The following SHANK2 variants were observed in gnomAD, a reference collection of about 807,000 sequenced individuals.
The protein encoded by SHANK2 is SH3 and multiple ankyrin repeat domains protein 2.
In SHANK2, 43 loss-of-function variants were observed where a neutral mutation model predicts 133.7. The observed-to-expected ratio is 0.32, with a 90% CI of 0.25 to 0.41. The LOEUF (loss-of-function observed/expected upper bound fraction) is 0.41, where lower values mean the gene tolerates loss of function less well. Among genes scored for constraint, SHANK2 ranks in the 10% least tolerant of loss-of-function variants. SHANK2 has a pLI of 1.00. For missense variants in SHANK2, 1,994 were observed against 2,235.8 expected (o/e 0.89, Z 2.18); for synonymous variants, 1,017 against 952.8 (o/e 1.07, Z -1.24).
intron 17 of SHANK2, among the ~76,000 whole-genome samples, chr11:70,561,368 G>T (rs955703769): frequency 6.6e-6 from 1 of 152,088 alleles, no homozygotes; most frequent in Admixed American, 6.5e-5. Context: ...GCCCGGGCTG[G>T]TCTCAAACTC....
chr11:70,713,143 G>T (rs539421725), intron 14 of SHANK2, among the ~76,000 whole-genome samples: 1 of 152,176 alleles, frequency 6.6e-6, no homozygotes, highest in South Asian at 2.1e-4. Context: ...CGTGCCAGTG[G>T]GTCCTCAGCA....
At chr11:70,790,321 C>T (rs1194321455) in intron 14 of SHANK2, among the ~76,000 whole-genome samples, 3 of 152,198 alleles carry the variant, frequency 2.0e-5, no homozygotes. Flanking sequence ...CACTGTCTCT[C>T]CACCCAGGGT....
chr11:71,062,392 G>A (rs1950998475), intron 9 of SHANK2, among the ~76,000 whole-genome samples: 1 of 152,258 alleles, frequency 6.6e-6, no homozygotes, highest in Admixed American at 6.5e-5. Context: ...CTCTCAGCCA[G>A]TTCCCATCTG....
At chr11:70,866,685 G>A (rs189779481) in intron 11 of SHANK2, among the ~76,000 whole-genome samples, 50 of 152,252 alleles carry the variant, frequency 3.3e-4, no homozygotes, top group African/African-American at 9.6e-4. Context: ...ATCAGTTCAC[G>A]CAGGGGCCCG....
chr11:70,563,569 G>A (rs1465987786), intron 17 of SHANK2, among the ~76,000 whole-genome samples: 1 of 63,922 alleles, frequency 1.6e-5, no homozygotes, highest in Non-Finnish European at 3.0e-5. Context: ...ATGGAGTTTT[G>A]CTTTTGTTGC....
At chr11:70,696,970 T>G (rs1303091635) in intron 15 of SHANK2, among the ~76,000 whole-genome samples, 2 of 152,202 alleles carry the variant, frequency 1.3e-5, no homozygotes, top group Non-Finnish European at 2.9e-5. Flanking sequence ...ACAACACGAA[T>G]GAACCTTGAA....
intron 3 of SHANK2, among the ~76,000 whole-genome samples, chr11:71,137,299 T>TAAAA (rs10534209): frequency 3.5e-5 from 4 of 112,742 alleles, no homozygotes; most frequent in African/African-American, 1.4e-4. Flanking sequence ...AATCCTTACT[T>TAAAA]AAAAAAAAAA....
chr11:70,781,971 A>G (rs569919783), intron 14 of SHANK2, among the ~76,000 whole-genome samples: 1 of 152,204 alleles, frequency 6.6e-6, no homozygotes, highest in Admixed American at 6.5e-5. Context: ...AGGGACATGG[A>G]TGAAGCTGGA....
chr11:70,898,282 G>GCGCACA (rs1555076083), intron 10 of SHANK2, among the ~76,000 whole-genome samples: 114 of 135,472 alleles, frequency 8.4e-4, no homozygotes, highest in East Asian at 5.5e-3. Flanking sequence ...ATACACACAC[G>GCGCACA]CACACACACA....
At chr11:70,724,544 C>T (rs541413134) in intron 14 of SHANK2, among the ~76,000 whole-genome samples, 1 of 152,328 alleles carries the variant, frequency 6.6e-6, no homozygotes, top group African/African-American at 2.4e-5. Flanking sequence ...GAGTCATCCT[C>T]TCCTCCTTTG....
chr11:70,686,991 T>C (rs1945170396), intron 15 of SHANK2, among the ~76,000 whole-genome samples: 1 of 152,228 alleles, frequency 6.6e-6, no homozygotes, highest in African/African-American at 2.4e-5. Flanking sequence ...GGCTGCCCTC[T>C]GGATACCTCT....
At chr11:70,879,189 C>T (rs1245105689) in intron 11 of SHANK2, among the ~76,000 whole-genome samples, 2 of 152,180 alleles carry the variant, frequency 1.3e-5, no homozygotes, top group Non-Finnish European at 2.9e-5. Context: ...TTTAATGTGT[C>T]CCTTCTGGCT....
At position 70,882,130 on chromosome 11, in the gene SHANK2, C is replaced by A. The variant is rs557072932; in HGVS notation, c.1174+14371G>T. Among the ~76,000 whole-genome samples, 3 of 152,210 alleles carry A rather than the reference C, an allele frequency of 2.0e-5. No individual in the cohort carries two copies. The East Asian group carries it at 5.8e-4, about 29-fold the overall frequency. ...AGGACCAGGGTTAAAGGGTGACTCACTGGCATGATGCTGGCAGGTGAGACA... is the reference window on the plus strand; with the variant it reads ...AGGACCAGGGTTAAAGGGTGACTCAATGGCATGATGCTGGCAGGTGAGACA... On this transcript the variant is annotated intron_variant, in intron 11 of 25. Transcript: ENST00000601538. The surrounding 1 kb of genome is among the most constrained non-coding windows in gnomAD (Gnocchi z 4.2).
At chr11:70,763,456 G>T (rs1555040664) in intron 14 of SHANK2, among the ~76,000 whole-genome samples, 1 of 152,094 alleles carries the variant, frequency 6.6e-6, no homozygotes, top group African/African-American at 2.4e-5. Context: ...GGCTCTGCAG[G>T]GAAGTGTAGC....
At position 70,667,923 on chromosome 11, in the gene SHANK2, T is replaced by C. The variant is rs927240588; in HGVS notation, c.1854-6245A>G. 7.2e-5 allele frequency: 11 copies of C among 152,262 alleles called. No individual in the cohort carries two copies. The East Asian group carries it at 2.1e-3, about 29-fold the overall frequency. 9.4% of individuals were successfully genotyped at this position (152,262 alleles called of 1,614,324 possible). On this transcript the variant is annotated intron_variant, in intron 15 of 25. Transcript: ENST00000601538. ...GGCCCCGTCTGGTGACAGCTTTAGT[T>C]CTTCCGTGACCAGCTGGGACTGGGT...
At chr11:70,557,959 A>G (rs2059855101) in intron 17 of SHANK2, among the ~76,000 whole-genome samples, 2 of 152,210 alleles carry the variant, frequency 1.3e-5, no homozygotes, top group African/African-American at 4.8e-5. Flanking sequence ...TTTGGCAAAT[A>G]TGTTAAATAC....
intron 17 of SHANK2, among the ~76,000 whole-genome samples, chr11:70,556,973 CT>C (rs2059840350): frequency 6.6e-6 from 1 of 152,172 alleles, no homozygotes; most frequent in African/African-American, 2.4e-5. Flanking sequence ...TCCTCCTGCC[CT>C]TGGCCTCCCA....
chr11:70,755,488 T>C (rs1198936397), intron 14 of SHANK2, among the ~76,000 whole-genome samples: 3 of 152,240 alleles, frequency 2.0e-5, no homozygotes, highest in African/African-American at 7.2e-5. Context: ...TCCAACCTCT[T>C]GGCCTCTCTG....
intron 10 of SHANK2, among the ~76,000 whole-genome samples, chr11:70,910,765 C>G (rs1436549663): frequency 5.4e-5 from 8 of 149,038 alleles, no homozygotes; most frequent in Non-Finnish European, 1.5e-5. Flanking sequence ...TGAGATCGCA[C>G]AACTGCACTC....
Sources: gnomAD v4.1 joint callset for allele counts (sites outside exome capture counted in the v4.1 genomes callset) on GRCh38, gnomAD v4.1.1 for gene constraint, Gnocchi (gnomAD v3.1) non-coding constraint, MANE v1.5 for transcripts, NCBI Gene and HGNC (gene_info 2026-07-23, HGNC 2026-07-21) for gene names.